The following CUL3 variants were observed in gnomAD, a reference collection of about 807,000 sequenced individuals.
CUL3 encodes cullin-3.
Under a neutral mutation model 89.1 loss-of-function variants are expected in CUL3, and 19 were observed. That is an observed-to-expected ratio of 0.21 (90% confidence interval 0.15 to 0.31). The LOEUF (loss-of-function observed/expected upper bound fraction) is 0.31. Ranked by LOEUF, CUL3 falls within the 10% of genes least tolerant of loss-of-function variation. CUL3 has a pLI of 1.00. For missense variants in CUL3, 469 were observed against 942.3 expected (o/e 0.50, Z 6.58); for synonymous variants, 351 against 308.4 (o/e 1.14, Z -1.45).
intron 3 of CUL3, among the ~76,000 whole-genome samples, chr2:224,520,133 G>T (rs6758702): frequency 0.2 from 30,855 of 152,078 alleles, 3,415 homozygotes; most frequent in African/African-American, 0.24. Flanking sequence ...AAAATGTTCT[G>T]AAAAACATGT....
chr2:224,524,093 A>C lies in CUL3; in HGVS notation c.379-9321T>G, dbSNP rs191246872. The stretch of plus-strand genomic sequence containing the variant: ...TATGTATTTGACCACAATTAAAAAA[A>C]CAAACCAAAAACCCCCAGTGTTTAA... On this transcript the variant is annotated intron_variant, in intron 3 of 15. Transcript: ENST00000264414. 2.1e-4 allele frequency among the ~76,000 whole-genome samples: 32 copies of C among 152,316 alleles called. No individual in the cohort carries two copies. In the East Asian group the frequency reaches 6.0e-3, roughly 28 times the overall value.
chr2:224,516,299 G>A (rs531579455), intron 3 of CUL3, among the ~76,000 whole-genome samples: 47 of 148,912 alleles, frequency 3.2e-4, no homozygotes, highest in Non-Finnish European at 6.1e-4. Flanking sequence ...CTCTGACCAC[G>A]TCCCTCCTTT....
chr2:224,491,940 G>C (rs11903823), intron 13 of CUL3, among the ~76,000 whole-genome samples: 28,170 of 152,076 alleles, frequency 0.19, 2,957 homozygotes, highest in South Asian at 0.27. Flanking sequence ...TCTTTGTATT[G>C]TAGGGATAAA....
intron 13 of CUL3, among the ~76,000 whole-genome samples, chr2:224,487,821 T>C (rs186033497): frequency 1.3e-5 from 2 of 152,296 alleles, no homozygotes; most frequent in South Asian, 2.1e-4. Flanking sequence ...ATCACACTTA[T>C]TCTAATATTG....
At position 224,471,479 on chromosome 2, in the gene CUL3, C is replaced by G. The variant is rs747359530; in HGVS notation, c.*2766G>C. The G allele has an allele frequency of 1.6e-4, 31 of 194,168 alleles. No homozygotes were observed. Among genetic ancestry groups the G allele is most frequent in the Admixed American group, 3.0e-4 (5 of 16,406 alleles). 12.0% of individuals were successfully genotyped at this position (194,168 alleles called of 1,614,324 possible). On this transcript the variant is annotated 3_prime_UTR_variant, in exon 16 of 16. Coordinates refer to ENST00000264414, the MANE Select transcript of CUL3 (RefSeq NM_003590.5). The stretch of plus-strand genomic sequence containing the variant: ...ACTGGTTCTAGGCCTTTTCTGCTAC[C>G]CAACATATCCGGTGAACAAAACATC...
chr2:224,532,236 A>C (rs909328646), intron 3 of CUL3, among the ~76,000 whole-genome samples: 2 of 152,186 alleles, frequency 1.3e-5, no homozygotes, highest in African/African-American at 2.4e-5. Flanking sequence ...AAGCTACATA[A>C]GGTGAAGAGA....
Position 224,513,506 on chromosome 2 carries a change from TAC to T in CUL3, c.654+16_654+17del. ...AGAACATCTTAAAAGATTATTTATTTACATTTTCACGGATTACCTGAAAAAAT... is the reference window on the plus strand; with the variant it reads ...AGAACATCTTAAAAGATTATTTATTTATTTTCACGGATTACCTGAAAAAAT... On this transcript the variant is annotated intron_variant, in intron 5 of 15. Transcript: ENST00000264414. 8 of 1,358,984 alleles carry T rather than the reference TAC, an allele frequency of 5.9e-6. No homozygotes were observed. Among genetic ancestry groups the T allele is most frequent in the Non-Finnish European group, 8.3e-6 (8 of 966,918 alleles). The allele number at this position is 1,358,984 out of a possible 1,614,324, so 84.2% of individuals were successfully genotyped here. A position where few individuals can be genotyped will look rare whatever the true frequency, so the allele number is the denominator to read the frequency against.
intron 13 of CUL3, among the ~76,000 whole-genome samples, chr2:224,484,410 TTCTC>T (rs1691643581): frequency 3.3e-5 from 5 of 152,068 alleles, no homozygotes; most frequent in Admixed American, 3.3e-4. Flanking sequence ...CTTCTATGCT[TTCTC>T]TATCTATATT....
chr2:224,534,222 G>C (rs1201764045), intron 3 of CUL3, among the ~76,000 whole-genome samples: 2 of 152,194 alleles, frequency 1.3e-5, no homozygotes, highest in South Asian at 2.1e-4. Context: ...CTCTCTGAAA[G>C]TTATTAAACA....
intron 3 of CUL3, among the ~76,000 whole-genome samples, chr2:224,515,622 C>T (rs929339813): frequency 3.3e-5 from 5 of 151,926 alleles, no homozygotes; most frequent in African/African-American, 4.8e-5. Flanking sequence ...TTATAGCTAA[C>T]GATAAGGTGA....
intron 10 of CUL3, 126 bp downstream of exon 10, chr2:224,502,839 G>C (rs1014573340): frequency 3.0e-6 from 2 of 671,026 alleles, no homozygotes; most frequent in African/African-American, 3.6e-5. Flanking sequence ...AGTACTCACA[G>C]ATAAAACACA....
intron 13 of CUL3, among the ~76,000 whole-genome samples, chr2:224,493,225 C>G (rs1334231281): frequency 6.6e-6 from 1 of 152,174 alleles, no homozygotes; most frequent in East Asian, 1.9e-4. Context: ...AAACAATACA[C>G]CATCTTACTG....
chr2:224,518,752 C>CA (rs1319605281), intron 3 of CUL3, among the ~76,000 whole-genome samples: 2 of 152,186 alleles, frequency 1.3e-5, no homozygotes, highest in Admixed American at 6.5e-5. Flanking sequence ...ATCCTCTCAC[C>CA]AAAAAATAAT....
intron 14 of CUL3, among the ~76,000 whole-genome samples, chr2:224,481,024 T>C (rs1243976847): frequency 2.0e-5 from 3 of 152,086 alleles, no homozygotes; most frequent in Non-Finnish European, 4.4e-5. Context: ...AAAATTTAAG[T>C]GTGCATATAA....
chr2:224,557,256 T>C (rs1357027242), intron 2 of CUL3, among the ~76,000 whole-genome samples: 1 of 152,168 alleles, frequency 6.6e-6, no homozygotes, highest in Non-Finnish European at 1.5e-5. Context: ...AAGTCAATTT[T>C]AGTTAGTGAT....
At chr2:224,510,752 T>C (rs1285882214) in intron 6 of CUL3, among the ~76,000 whole-genome samples, 1 of 152,174 alleles carries the variant, frequency 6.6e-6, no homozygotes, top group East Asian at 1.9e-4. Flanking sequence ...CCCAGGAAAA[T>C]AAATAGCTAT....
At chr2:224,538,215 A>AT (rs1304539826) in intron 2 of CUL3, among the ~76,000 whole-genome samples, 4 of 152,226 alleles carry the variant, frequency 2.6e-5, no homozygotes, top group African/African-American at 9.6e-5. Flanking sequence ...CACTGCTGCA[A>AT]TGTCTTCTTA....
intron 1 of CUL3, chr2:224,563,351 G>A (rs532220106): frequency 7.9e-5 from 36 of 456,974 alleles, no homozygotes; most frequent in African/African-American, 5.3e-4. Context: ...TCATTGTCAT[G>A]GTTACATCTA....
intron 2 of CUL3, among the ~76,000 whole-genome samples, chr2:224,542,038 A>G (rs1423228000): frequency 6.6e-6 from 1 of 152,210 alleles, no homozygotes; most frequent in Non-Finnish European, 1.5e-5. Flanking sequence ...CAATTTTATT[A>G]TACACTAATT....
Sources: allele counts gnomAD v4.1 joint callset (sites outside exome capture counted in the v4.1 genomes callset), GRCh38; gene constraint gnomAD v4.1.1; transcripts MANE v1.5; gene names NCBI Gene and HGNC (gene_info 2026-07-23, HGNC 2026-07-21).